The following CNTN3 variants were observed in gnomAD, a reference collection of about 807,000 sequenced individuals.
CNTN3 encodes contactin-3.
CNTN3 carries 60 observed loss-of-function variants against 119.1 expected under a neutral mutation model. The ratio of observed to expected loss-of-function variants is 0.50; its 90% CI spans 0.41 to 0.62. The LOEUF is 0.62. CNTN3 is among the 20% of genes least tolerant of loss of function. CNTN3 has a pLI of 0.00. For synonymous variants in CNTN3, 450 were observed against 438.7 expected (o/e 1.03, Z -0.32); for missense variants, 1,101 against 1,242.4 (o/e 0.89, Z 1.71).
chr3:74,277,570 C>T (rs1014617533), intron 20 of CNTN3, among the ~76,000 whole-genome samples: 2 of 152,112 alleles, frequency 1.3e-5, no homozygotes, highest in Non-Finnish European at 2.9e-5. Context: ...TCCAGCATCC[C>T]TTTATGATTA....
chr3:74,393,935 C>A (rs1704981297), intron 5 of CNTN3, among the ~76,000 whole-genome samples: 1 of 152,084 alleles, frequency 6.6e-6, no homozygotes. Flanking sequence ...CTTAGAGCAT[C>A]ATAAAAGTAC....
intron 1 of CNTN3, among the ~76,000 whole-genome samples, chr3:74,589,993 G>T (rs1324731232): frequency 6.7e-6 from 1 of 149,070 alleles, no homozygotes; most frequent in African/African-American, 2.5e-5. Flanking sequence ...AGCATTAGGA[G>T]ATATACCTAA....
rs765023060 is a variant in CNTN3 at position 74,614,409 on chromosome 3, C to T, written c.-99G>A. On this transcript the variant is annotated 5_prime_UTR_variant, in exon 1 of 23. Transcript: ENST00000263665. ...GACTTACCTGGTCTCTGCAGCTCGC[C>T]AGACGCCCGCCCCGACGGCCCACTC... Among the ~76,000 whole-genome samples the T allele has an allele frequency of 4.7e-4, 70 of 150,096 alleles. No individual in the cohort carries two copies. Among genetic ancestry groups the T allele is most frequent in the Non-Finnish European group, 8.2e-4 (55 of 67,158 alleles).
At chr3:74,512,153 T>C (rs911308452) in intron 2 of CNTN3, among the ~76,000 whole-genome samples, 2 of 152,184 alleles carry the variant, frequency 1.3e-5, no homozygotes, top group African/African-American at 4.8e-5. Context: ...TTGCATATTG[T>C]TTACTTAGCA....
At chr3:74,324,213 CTTCT>C (rs143503891) in intron 13 of CNTN3, among the ~76,000 whole-genome samples, 23,433 of 144,674 alleles carry the variant, frequency 0.16, 2,551 homozygotes, top group East Asian at 0.51. Context: ...AACTCTTCTT[CTTCT>C]TTTTTTTTTT....
chr3:74,348,903 G>A (rs1279429404), intron 11 of CNTN3, among the ~76,000 whole-genome samples: 1 of 151,924 alleles, frequency 6.6e-6, no homozygotes, highest in Non-Finnish European at 1.5e-5. Flanking sequence ...GCAACACACT[G>A]AGACCCCATC....
At chr3:74,516,086 C>A (rs1415570037) in intron 2 of CNTN3, among the ~76,000 whole-genome samples, 12 of 151,836 alleles carry the variant, frequency 7.9e-5, no homozygotes, top group Admixed American at 7.9e-4. Context: ...AGCTGAAAAC[C>A]CCCTAGATGA....
chr3:74,572,877 C>A (rs1462497976), intron 1 of CNTN3, among the ~76,000 whole-genome samples: 1 of 152,194 alleles, frequency 6.6e-6, no homozygotes, highest in African/African-American at 2.4e-5. Flanking sequence ...TGCACGTTAT[C>A]TAGAAAACTA....
At chr3:74,543,238 T>C (rs1014444383) in intron 1 of CNTN3, among the ~76,000 whole-genome samples, 1 of 152,118 alleles carries the variant, frequency 6.6e-6, no homozygotes, top group Non-Finnish European at 1.5e-5. Context: ...AAATTGAATA[T>C]AGGAGTATTT....
In CNTN3 at chr3:74,263,054, T is replaced by G. The variant is rs770841882; in HGVS notation, c.*1347A>C. 1.3e-5 allele frequency: 2 copies of G among 152,194 alleles called. No homozygotes were observed. The highest frequency in any genetic ancestry group is 2.9e-5 in the Non-Finnish European group (2 of 68,002). 9.4% of individuals were successfully genotyped at this position (152,194 alleles called of 1,614,324 possible). ...TATCTGAACTGTTTTCTAATTCTGA[T>G]ATTGTTGGAAATGTGAACAAGTTTC... On this transcript the variant is annotated 3_prime_UTR_variant, in exon 23 of 23. Coordinates refer to ENST00000263665, the MANE Select transcript of CNTN3 (RefSeq NM_020872.3).
At chr3:74,562,964 AT>A (rs1385665111) in intron 1 of CNTN3, among the ~76,000 whole-genome samples, 1 of 152,176 alleles carries the variant, frequency 6.6e-6, no homozygotes, top group Non-Finnish European at 1.5e-5. Flanking sequence ...CGAAGAGATA[AT>A]GCCCATTTGA....
chr3:74,328,565 T>G (rs1436308749), intron 13 of CNTN3, among the ~76,000 whole-genome samples: 3 of 152,200 alleles, frequency 2.0e-5, no homozygotes, highest in African/African-American at 7.2e-5. Context: ...AATTTAAGTC[T>G]ACCTTACAGG....
chr3:74,474,706 C>A (rs1461468085), intron 4 of CNTN3, among the ~76,000 whole-genome samples: 2 of 152,074 alleles, frequency 1.3e-5, no homozygotes, highest in East Asian at 3.9e-4. Context: ...GGATGTGTGT[C>A]CTTCCCCAAA....
At chr3:74,460,389 G>A (rs927835477) in intron 4 of CNTN3, among the ~76,000 whole-genome samples, 4 of 151,880 alleles carry the variant, frequency 2.6e-5, no homozygotes, top group Non-Finnish European at 5.9e-5. Flanking sequence ...CATATTTACT[G>A]TATTGAATAT....
intron 4 of CNTN3, among the ~76,000 whole-genome samples, chr3:74,467,985 A>T (rs1702495065): frequency 6.6e-6 from 1 of 152,208 alleles, no homozygotes; most frequent in African/African-American, 2.4e-5. Context: ...ATGGCATTAT[A>T]TCGGAACAAA....
At chr3:74,508,771 C>G (rs1255949843) in intron 2 of CNTN3, among the ~76,000 whole-genome samples, 5 of 152,132 alleles carry the variant, frequency 3.3e-5, no homozygotes, top group African/African-American at 4.8e-5. Context: ...TCAATGGGTT[C>G]TTATCCCCAA....
At chr3:74,427,911 A>T (rs907725453) in intron 4 of CNTN3, among the ~76,000 whole-genome samples, 3 of 152,182 alleles carry the variant, frequency 2.0e-5, no homozygotes, top group Admixed American at 6.5e-5. Context: ...ATAAATGGAG[A>T]CACATACTAT....
At chr3:74,539,558 C>A (rs1337696717) in intron 1 of CNTN3, among the ~76,000 whole-genome samples, 4 of 152,004 alleles carry the variant, frequency 2.6e-5, no homozygotes, top group East Asian at 3.9e-4. Flanking sequence ...GACTCCTTCA[C>A]CAGTTGAAAA....
intron 1 of CNTN3, among the ~76,000 whole-genome samples, chr3:74,548,302 A>G (rs970330897): frequency 1.4e-4 from 22 of 152,338 alleles, no homozygotes; most frequent in Non-Finnish European, 2.5e-4. Context: ...GTAGTTGGCC[A>G]TTTAGATGAA....
Sources: gnomAD v4.1 joint callset for allele counts (sites outside exome capture counted in the v4.1 genomes callset) on GRCh38, gnomAD v4.1.1 for gene constraint, MANE v1.5 for transcripts, NCBI Gene and HGNC (gene_info 2026-07-23, HGNC 2026-07-21) for gene names.